ROBO2: variants seen among roughly 807,000 people sequenced by gnomAD.
ROBO2 encodes roundabout homolog 2.
ROBO2 carries 53 observed loss-of-function variants against 160.8 expected under a neutral mutation model. That is an observed-to-expected ratio of 0.33 (90% CI 0.26 to 0.41). ROBO2 has a LOEUF of 0.41. Ranked by LOEUF, ROBO2 falls within the 10% of genes least tolerant of loss-of-function variation. The pLI, the probability that ROBO2 is intolerant of heterozygous loss-of-function variation, is 1.00. For missense variants in ROBO2, 1,577 were observed against 1,722.4 expected, an observed-to-expected ratio of 0.92 and a Z score of 1.49; for synonymous variants, 664 against 611.7, an observed-to-expected ratio of 1.09 and a Z score of -1.26.
chr3:76,786,823 T>G (rs1232942044), intron 2 of ROBO2, among the ~76,000 whole-genome samples: 2 of 151,276 alleles, frequency 1.3e-5, no homozygotes, highest in Non-Finnish European at 3.0e-5. Flanking sequence ...ACTATGTAAA[T>G]AATGAGTTGT....
chr3:77,108,998 G>C (rs776817795), intron 2 of ROBO2, among the ~76,000 whole-genome samples: 1 of 152,076 alleles, frequency 6.6e-6, no homozygotes, highest in African/African-American at 2.4e-5. Context: ...GAGCCCAAGA[G>C]TGTGGAGGGA....
chr3:76,853,352 A>G (rs567972921), intron 2 of ROBO2, among the ~76,000 whole-genome samples: 1 of 152,218 alleles, frequency 6.6e-6, no homozygotes, highest in South Asian at 2.1e-4. Context: ...TTTCAATCTA[A>G]CACATGGATT....
chr3:76,554,008 T>A (rs2083564009), intron 2 of ROBO2, among the ~76,000 whole-genome samples: 1 of 152,138 alleles, frequency 6.6e-6, no homozygotes, highest in Non-Finnish European at 1.5e-5. Flanking sequence ...CCCAGAAAAT[T>A]TACGTAAAGA....
intron 2 of ROBO2, among the ~76,000 whole-genome samples, chr3:77,024,323 C>T (rs1220877198): frequency 2.0e-5 from 3 of 152,130 alleles, no homozygotes; most frequent in African/African-American, 7.2e-5. Flanking sequence ...TCTTAGTTGT[C>T]ATGTTTATTG....
intron 2 of ROBO2, among the ~76,000 whole-genome samples, chr3:76,719,713 G>A (rs1402747587): frequency 2.0e-5 from 3 of 152,066 alleles, no homozygotes; most frequent in African/African-American, 7.2e-5. Flanking sequence ...GTGAAACCCT[G>A]TCTCGACTAA....
At chr3:77,521,157 G>A (rs2090552563) in intron 5 of ROBO2, among the ~76,000 whole-genome samples, 2 of 151,118 alleles carry the variant, frequency 1.3e-5, no homozygotes, top group African/African-American at 2.4e-5. Flanking sequence ...CGAAATAGAT[G>A]TTATCTTTAG....
At chr3:77,076,242 T>C (rs1265076227) in intron 1 of ROBO2, among the ~76,000 whole-genome samples, 3 of 152,144 alleles carry the variant, frequency 2.0e-5, no homozygotes, top group Admixed American at 6.5e-5. Context: ...GTATTGATGG[T>C]TATTGTCCAT....
intron 2 of ROBO2, among the ~76,000 whole-genome samples, chr3:76,987,059 A>G (rs1447006205): frequency 6.6e-6 from 1 of 152,172 alleles, no homozygotes; most frequent in Non-Finnish European, 1.5e-5. Flanking sequence ...AGGATGTGGG[A>G]TGTTTGAAGT....
At chr3:76,119,489 G>A (rs2070628893) in intron 2 of ROBO2, among the ~76,000 whole-genome samples, 1 of 151,320 alleles carries the variant, frequency 6.6e-6, no homozygotes, top group East Asian at 1.9e-4. Flanking sequence ...TTATTTAGTG[G>A]TCCAATAAAA....
intron 1 of ROBO2, among the ~76,000 whole-genome samples, chr3:77,064,471 C>T (rs1306619026): frequency 6.6e-6 from 1 of 151,296 alleles, no homozygotes; most frequent in Non-Finnish European, 1.5e-5. Flanking sequence ...AGCGATTCTC[C>T]AGCCTCAGCC....
chr3:77,413,293 A>AGAAAGAG (rs2076952111), intron 2 of ROBO2, among the ~76,000 whole-genome samples: 1 of 152,164 alleles, frequency 6.6e-6, no homozygotes, highest in Non-Finnish European at 1.5e-5. Flanking sequence ...AAAATGTTCT[A>AGAAAGAG]GAAAGAGGAA....
chr3:75,934,907 A>G (rs1947704885), intron 1 of ROBO2, among the ~76,000 whole-genome samples: 1 of 152,194 alleles, frequency 6.6e-6, no homozygotes, highest in Non-Finnish European at 1.5e-5. Flanking sequence ...ACATAAAAAT[A>G]AATTTGCAAA....
At chr3:76,256,613 AG>A (rs751398362) in intron 2 of ROBO2, among the ~76,000 whole-genome samples, 3 of 151,978 alleles carry the variant, frequency 2.0e-5, no homozygotes, top group African/African-American at 4.8e-5. Context: ...AGGGAGGCTG[AG>A]GTGGGAGGAC....
Position 77,108,417 on chromosome 3 carries a change from A to AC in ROBO2, c.388+10085dup, listed in dbSNP as rs565090259. 6.2e-4 allele frequency among the ~76,000 whole-genome samples: 93 copies of AC among 149,888 alleles called. 1 individual carries two copies. In the South Asian group the frequency reaches 0.015, roughly 24 times the overall value. On this transcript the variant is annotated intron_variant, in intron 2 of 25. Coordinates refer to ENST00000461745, the Ensembl canonical transcript of ROBO2. ...GGTCTGGAACTCCTGGCCCTATGTG[A>AC]CCCCCCCCTACCTTGGCCTCACGAA... is the stretch of plus-strand genomic sequence containing the variant.
intron 2 of ROBO2, among the ~76,000 whole-genome samples, chr3:76,819,165 A>T (rs1235166246): frequency 6.6e-6 from 1 of 152,142 alleles, no homozygotes; most frequent in Non-Finnish European, 1.5e-5. Context: ...AATGAATTAC[A>T]CAAAGCGGAG....
intron 2 of ROBO2, among the ~76,000 whole-genome samples, chr3:76,593,279 T>C (rs562528827): frequency 4.6e-5 from 7 of 152,138 alleles, no homozygotes; most frequent in African/African-American, 1.7e-4. Context: ...TTTCTAGAGT[T>C]GTTGCGTTTA....
At chr3:77,328,676 C>T (rs544220859) in intron 2 of ROBO2, among the ~76,000 whole-genome samples, 1 of 152,102 alleles carries the variant, frequency 6.6e-6, no homozygotes, top group African/African-American at 2.4e-5. Context: ...AGTTCAGAAC[C>T]TTTTCACATT....
At chr3:76,925,210 CAA>C (rs147022230) in intron 2 of ROBO2, among the ~76,000 whole-genome samples, 8 of 61,870 alleles carry the variant, frequency 1.3e-4, no homozygotes, top group African/African-American at 2.0e-4. Flanking sequence ...GACTCCGTCT[CAA>C]AAAAAAAAAA....
At chr3:77,181,434 G>A (rs996183560) in intron 2 of ROBO2, among the ~76,000 whole-genome samples, 2 of 151,962 alleles carry the variant, frequency 1.3e-5, no homozygotes, top group Non-Finnish European at 2.9e-5. Context: ...CTGAGAATAC[G>A]GCTCTGAATT....
Sources: gnomAD v4.1 joint callset for allele counts (sites outside exome capture counted in the v4.1 genomes callset) on GRCh38, gnomAD v4.1.1 for gene constraint, MANE v1.5 for transcripts, NCBI Gene and HGNC (gene_info 2026-07-23, HGNC 2026-07-21) for gene names.